The following OR9Q1 variants were observed in gnomAD, a reference collection of about 807,000 sequenced individuals.
OR9Q1 encodes the protein olfactory receptor 9Q1.
For missense variants in OR9Q1, 374 were observed against 378.8 expected, an observed-to-expected ratio of 0.99 and a Z score of 0.11; for synonymous variants, 153 against 148.6, an observed-to-expected ratio of 1.03 and a Z score of -0.22.
intron 2 of OR9Q1, among the ~76,000 whole-genome samples, chr11:58,091,269 T>C (rs1256150372): frequency 6.6e-6 from 1 of 152,190 alleles, no homozygotes; most frequent in Non-Finnish European, 1.5e-5. Context: ...CAGCTTTCTG[T>C]TGTAGGCATT....
intron 2 of OR9Q1, among the ~76,000 whole-genome samples, chr11:58,096,595 C>T (rs997570376): frequency 2.0e-5 from 3 of 150,564 alleles, no homozygotes; most frequent in Admixed American, 6.6e-5. Flanking sequence ...TCACTGCAGC[C>T]TCTACCTCCT....
At chr11:58,092,971 G>T (rs1189320984) in intron 2 of OR9Q1, among the ~76,000 whole-genome samples, 3 of 151,982 alleles carry the variant, frequency 2.0e-5, no homozygotes, top group Non-Finnish European at 4.4e-5. Context: ...CCTGCAGAAG[G>T]GTTTATTGTT....
chr11:58,178,988 TAG>T (rs150590790), intron 2 of OR9Q1, among the ~76,000 whole-genome samples: 49 of 110,218 alleles, frequency 4.4e-4, no homozygotes, highest in African/African-American at 1.6e-3. Flanking sequence ...TTATATATTA[TAG>T]AGAGAGAGAG....
intron 2 of OR9Q1, among the ~76,000 whole-genome samples, chr11:58,112,219 G>A (rs890883269): frequency 6.6e-5 from 10 of 152,090 alleles, no homozygotes; most frequent in Non-Finnish European, 1.3e-4. Flanking sequence ...CTTGAACCCG[G>A]GAGGTGGAGG....
At chr11:58,034,890 C>T (rs1011585819) in intron 1 of OR9Q1, among the ~76,000 whole-genome samples, 5 of 149,302 alleles carry the variant, frequency 3.3e-5, no homozygotes, top group South Asian at 4.3e-4. Flanking sequence ...TGTGGTGGTG[C>T]GATCTTGGCT....
At chr11:58,168,976 A>C (rs752507456) in intron 2 of OR9Q1, among the ~76,000 whole-genome samples, 7 of 152,160 alleles carry the variant, frequency 4.6e-5, no homozygotes, top group Non-Finnish European at 1.0e-4. Flanking sequence ...AAAATGACTG[A>C]TACTCTTTTT....
rs1278521327 is a variant in OR9Q1 at position 58,044,887 on chromosome 11, C to A, written c.-92-10983C>A. The A allele has an allele frequency of 2.0e-5, 3 of 152,214 alleles. No individual in the cohort carries two copies. In the South Asian group the frequency reaches 6.2e-4, roughly 32 times the overall value. 9.4% of individuals were successfully genotyped at this position (152,214 alleles called of 1,614,324 possible). On this transcript the variant is annotated intron_variant, in intron 1 of 2. Coordinates refer to ENST00000335397, the MANE Select transcript of OR9Q1 (RefSeq NM_001005212.4). ...TAAAATGGAGATATAGATGGGGCAT[C>A]CCTAATTTGAAAATCTGAAATCTGG...
chr11:58,119,571 G>A (rs1349512868), intron 2 of OR9Q1: 2 of 632,288 alleles, frequency 3.2e-6, no homozygotes, highest in Non-Finnish European at 2.7e-6. Context: ...TGTAGAGTTT[G>A]TTTTTAAGAA....
chr11:58,160,198 C>T (rs1489556206), intron 2 of OR9Q1, among the ~76,000 whole-genome samples: 1 of 152,174 alleles, frequency 6.6e-6, no homozygotes, highest in African/African-American at 2.4e-5. Context: ...ATTAAATGAT[C>T]CTTCAGTTAA....
intron 2 of OR9Q1, among the ~76,000 whole-genome samples, chr11:58,172,178 G>A (rs1035786490): frequency 6.6e-6 from 1 of 152,104 alleles, no homozygotes. Flanking sequence ...TGAATGATTT[G>A]TAATTTTGTC....
At chr11:58,067,647 A>G (rs1337414301) in intron 2 of OR9Q1, among the ~76,000 whole-genome samples, 1 of 152,204 alleles carries the variant, frequency 6.6e-6, no homozygotes, top group African/African-American at 2.4e-5. Context: ...ACAGTGGTAC[A>G]GTGTACAAAG....
At chr11:58,074,865 C>T (rs10750881) in intron 2 of OR9Q1, among the ~76,000 whole-genome samples, 36,555 of 152,002 alleles carry the variant, frequency 0.24, 5,117 homozygotes, top group East Asian at 0.58. Context: ...AATGGGGAAT[C>T]CTTTCTCCAT....
At chr11:58,138,288 C>T (rs985101724) in intron 2 of OR9Q1, among the ~76,000 whole-genome samples, 2 of 152,286 alleles carry the variant, frequency 1.3e-5, no homozygotes, top group South Asian at 2.1e-4. Context: ...GCAGGAGCGT[C>T]GTACTTCCTG....
chr11:58,087,865 TC>T (rs1171214021), intron 2 of OR9Q1, among the ~76,000 whole-genome samples: 2 of 151,898 alleles, frequency 1.3e-5, no homozygotes, highest in Non-Finnish European at 2.9e-5. Context: ...TCCAGCTTCA[TC>T]CATGTCCCTA....
chr11:58,079,462 T>C (rs1853568749), intron 2 of OR9Q1, among the ~76,000 whole-genome samples: 1 of 152,150 alleles, frequency 6.6e-6, no homozygotes, highest in Non-Finnish European at 1.5e-5. Flanking sequence ...GGTAGAGCTC[T>C]AAAATAGTTT....
intron 2 of OR9Q1, among the ~76,000 whole-genome samples, chr11:58,161,601 T>C (rs1461124763): frequency 6.6e-6 from 1 of 151,624 alleles, no homozygotes; most frequent in Non-Finnish European, 1.5e-5. Context: ...TGGAGTGCAA[T>C]GGCACTGTCT....
chr11:58,178,275 A>G lies in OR9Q1; in HGVS notation c.-14-1156A>G, dbSNP rs75170273. On this transcript the variant is annotated intron_variant, in intron 2 of 2. Transcript: ENST00000335397. Reference sequence around the variant, plus strand: ...GCGTATTTCGAACTTTAAAAAGACAAATATTTAAGGTGGTGGACATCTAGT... The same window carrying G: ...GCGTATTTCGAACTTTAAAAAGACAGATATTTAAGGTGGTGGACATCTAGT... Among the ~76,000 whole-genome samples, 15 of 152,320 alleles carry G rather than the reference A, an allele frequency of 9.8e-5. No individual in the cohort carries two copies. The East Asian group carries it at 2.7e-3, about 27-fold the overall frequency.
chr11:58,175,856 C>T (rs2514189), intron 2 of OR9Q1, among the ~76,000 whole-genome samples: 25,387 of 151,358 alleles, frequency 0.17, 2,257 homozygotes, highest in East Asian at 0.21. Context: ...AATGACTCAA[C>T]AAAATGCCTA....
At position 58,118,697 on chromosome 11, in the gene OR9Q1, G is replaced by T. The variant is rs1348947553; in HGVS notation, c.-14-60734G>T. On this transcript the variant is annotated intron_variant, in intron 2 of 2. Transcript: ENST00000335397. The stretch of plus-strand genomic sequence containing the variant: ...ATGAAGATAAGGGCTCCAAAGAAAA[G>T]GGCCACAGCAGTGATGTGAGAGGCA... 5.0e-6 allele frequency: 8 copies of T among 1,613,914 alleles called. No homozygotes were observed. Among genetic ancestry groups the T allele is most frequent in the Non-Finnish European group, 6.8e-6 (8 of 1,179,980 alleles).
Sources: allele counts gnomAD v4.1 joint callset (sites outside exome capture counted in the v4.1 genomes callset), GRCh38; gene constraint gnomAD v4.1.1; transcripts MANE v1.5; gene names NCBI Gene and HGNC (gene_info 2026-07-23, HGNC 2026-07-21).